The following PRKG1 variants were observed in gnomAD, a reference collection of about 807,000 sequenced individuals.
PRKG1 encodes protein kinase cGMP-dependent 1, also known as cGMP-dependent protein kinase 1.
PRKG1 carries 35 observed loss-of-function variants against 88.1 expected under a neutral mutation model. That is an observed-to-expected ratio of 0.40 (90% confidence interval 0.30 to 0.53). The LOEUF is 0.53. PRKG1 is among the 20% of genes least tolerant of loss of function. PRKG1 has a pLI of 0.59. For synonymous variants in PRKG1, 303 were observed against 292.5 expected (o/e 1.04, Z -0.37); for missense variants, 540 against 839.8 (o/e 0.64, Z 4.41).
intron 7 of PRKG1, among the ~76,000 whole-genome samples, chr10:52,122,152 AG>A (rs1847834920): frequency 6.6e-6 from 1 of 152,216 alleles, no homozygotes; most frequent in Non-Finnish European, 1.5e-5. Flanking sequence ...CCATGGTGGA[AG>A]GCAAAACATA....
rs557734075 is a variant in PRKG1, at chr10:50,999,222, C to T, written c.266+7578C>T. 7.2e-5 allele frequency among the ~76,000 whole-genome samples: 11 copies of T among 152,254 alleles called. 1 individual carries two copies. The highest frequency in any genetic ancestry group is 2.6e-4 in the African/African-American group (11 of 41,556). On this transcript the variant is annotated intron_variant, in intron 1 of 17. Transcript: ENST00000401604. ...TTTTATATATTCTTGGAAATTAGTC[C>T]TAAGCAGTTAATTTGTTATTCAAGG...
At chr10:51,960,342 T>C (rs1391990484) in intron 5 of PRKG1, among the ~76,000 whole-genome samples, 1 of 152,040 alleles carries the variant, frequency 6.6e-6, no homozygotes, top group African/African-American at 2.4e-5. Flanking sequence ...TTTAACAGAC[T>C]TTGGAAACAA....
chr10:51,747,897 C>G (rs1336941755), intron 3 of PRKG1, among the ~76,000 whole-genome samples: 1 of 152,092 alleles, frequency 6.6e-6, no homozygotes, highest in Non-Finnish European at 1.5e-5. Context: ...TTTTAAAGCA[C>G]TAAGGCCATG....
intron 5 of PRKG1, among the ~76,000 whole-genome samples, chr10:51,930,738 G>T (rs1043582433): frequency 1.3e-5 from 2 of 151,988 alleles, no homozygotes; most frequent in African/African-American, 4.8e-5. Flanking sequence ...CAATCTGCCT[G>T]CCTCAGCCTC....
At chr10:52,045,398 T>C (rs1845838862) in intron 5 of PRKG1, among the ~76,000 whole-genome samples, 1 of 152,082 alleles carries the variant, frequency 6.6e-6, no homozygotes. Flanking sequence ...CAAGCACAAA[T>C]GCCTTGTAGC....
rs974906349 is a variant in PRKG1, at chr10:51,020,396, C to T, written c.266+28752C>T. ...TACTATAAACATGTCAACACGTCTC[C>T]GTTTAACAACATTTTTTAGCATCAT... On this transcript the variant is annotated intron_variant, in intron 1 of 17. Coordinates refer to the PRKG1 transcript ENST00000401604. Among the ~76,000 whole-genome samples the T allele has an allele frequency of 3.3e-5, 5 of 152,210 alleles. No homozygotes were observed. The East Asian group carries it at 7.7e-4, about 24-fold the overall frequency.
intron 3 of PRKG1, among the ~76,000 whole-genome samples, chr10:51,490,952 G>T (rs1840694031): frequency 6.6e-6 from 1 of 152,010 alleles, no homozygotes; most frequent in Non-Finnish European, 1.5e-5. Context: ...TGAAATGGAA[G>T]AAAGGGTTTG....
intron 1 of PRKG1, among the ~76,000 whole-genome samples, chr10:51,056,157 G>T (rs1001968737): frequency 1.3e-5 from 2 of 152,202 alleles, no homozygotes; most frequent in Non-Finnish European, 2.9e-5. Flanking sequence ...TCTTAAGATG[G>T]AGTGAGGTTA....
chr10:52,245,384 A>G (rs1164003521), intron 9 of PRKG1, among the ~76,000 whole-genome samples: 2 of 152,154 alleles, frequency 1.3e-5, no homozygotes, highest in Non-Finnish European at 2.9e-5. Flanking sequence ...ATTTATCAGT[A>G]TTCCCAGAAA....
chr10:51,165,671 C>G (rs960011412), intron 2 of PRKG1, among the ~76,000 whole-genome samples: 1 of 152,004 alleles, frequency 6.6e-6, no homozygotes, highest in Non-Finnish European at 1.5e-5. Flanking sequence ...CAGTGACACA[C>G]ATAGGCTCAA....
chr10:51,722,902 G>A (rs1842046888), intron 3 of PRKG1, among the ~76,000 whole-genome samples: 1 of 152,052 alleles, frequency 6.6e-6, no homozygotes, highest in Non-Finnish European at 1.5e-5. Flanking sequence ...AAAATAAACA[G>A]GTAGAATTCT....
At chr10:51,088,478 T>C (rs1389015295) in intron 1 of PRKG1, among the ~76,000 whole-genome samples, 1 of 151,976 alleles carries the variant, frequency 6.6e-6, no homozygotes, top group African/African-American at 2.4e-5. Flanking sequence ...TGTGTCTTCT[T>C]CTCGCTCACA....
intron 1 of PRKG1, among the ~76,000 whole-genome samples, chr10:51,136,594 G>T (rs1589184579): frequency 8.9e-6 from 1 of 112,072 alleles, no homozygotes; most frequent in African/African-American, 3.3e-5. Context: ...TGGGAGGGGG[G>T]CGGGGGGAGA....
At chr10:51,400,875 A>G (rs1463025550) in intron 2 of PRKG1, among the ~76,000 whole-genome samples, 3 of 152,204 alleles carry the variant, frequency 2.0e-5, no homozygotes, top group South Asian at 2.1e-4. Flanking sequence ...AAATTTCAGT[A>G]TAGTTCAAGT....
At chr10:52,001,867 A>G (rs1844608488) in intron 5 of PRKG1, among the ~76,000 whole-genome samples, 1 of 152,022 alleles carries the variant, frequency 6.6e-6, no homozygotes, top group African/African-American at 2.4e-5. Context: ...ATATTACTTC[A>G]CCTCATACAT....
chr10:51,581,285 G>A (rs1271822249), intron 3 of PRKG1, among the ~76,000 whole-genome samples: 1 of 152,128 alleles, frequency 6.6e-6, no homozygotes, highest in African/African-American at 2.4e-5. Flanking sequence ...CCTATGATTA[G>A]CAAGATATTA....
chr10:51,583,105 A>G (rs891612136), intron 3 of PRKG1, among the ~76,000 whole-genome samples: 1 of 152,132 alleles, frequency 6.6e-6, no homozygotes, highest in Non-Finnish European at 1.5e-5. Context: ...ATGTTTCTAT[A>G]TAGGAGAGTA....
intron 2 of PRKG1, among the ~76,000 whole-genome samples, chr10:51,251,724 G>A (rs989171197): frequency 1.3e-5 from 2 of 151,716 alleles, no homozygotes; most frequent in African/African-American, 4.8e-5. Context: ...TTCTGATATA[G>A]AATTCTGCTA....
At chr10:51,590,902 A>G (rs1838296092) in intron 3 of PRKG1, among the ~76,000 whole-genome samples, 1 of 152,202 alleles carries the variant, frequency 6.6e-6, no homozygotes, top group Non-Finnish European at 1.5e-5. Flanking sequence ...TCAAAACTTT[A>G]TTGAACACTT....
Sources: allele counts gnomAD v4.1 joint callset (sites outside exome capture counted in the v4.1 genomes callset), GRCh38; gene constraint gnomAD v4.1.1; transcripts MANE v1.5; gene names NCBI Gene and HGNC (gene_info 2026-07-23, HGNC 2026-07-21).